Variants in CTNNA3 observed in about 807,000 individuals in gnomAD.
The protein encoded by CTNNA3 is catenin alpha 3.
Under a neutral mutation model 95.7 loss-of-function variants are expected in CTNNA3, and 76 were observed. That is an observed-to-expected ratio of 0.79 (90% CI 0.66 to 0.96). CTNNA3 has a LOEUF of 0.96. Among genes scored for constraint, CTNNA3 ranks in the 40% least tolerant of loss-of-function variants. The pLI is 0.00. For missense variants in CTNNA3, 1,191 were observed against 1,089.8 expected, an observed-to-expected ratio of 1.09 and a Z score of -1.31; for synonymous variants, 431 against 374.4, an observed-to-expected ratio of 1.15 and a Z score of -1.74.
intron 9 of CTNNA3, among the ~76,000 whole-genome samples, chr10:66,632,868 G>C (rs1845194945): frequency 6.6e-6 from 1 of 151,702 alleles, no homozygotes; most frequent in South Asian, 2.1e-4. Context: ...AAGGAAAAAA[G>C]GCCATTAAAA....
chr10:66,748,525 A>G (rs1838980425), intron 9 of CTNNA3, among the ~76,000 whole-genome samples: 1 of 152,222 alleles, frequency 6.6e-6, no homozygotes, highest in South Asian at 2.1e-4. Flanking sequence ...CTTAAATCAT[A>G]TTATTTAACT....
chr10:67,069,467 T>C (rs895106870), intron 7 of CTNNA3, among the ~76,000 whole-genome samples: 2 of 152,112 alleles, frequency 1.3e-5, no homozygotes, highest in African/African-American at 4.8e-5. Flanking sequence ...TATGTATACA[T>C]ATCATGATGG....
chr10:67,104,606 G>A (rs971978821), intron 7 of CTNNA3, among the ~76,000 whole-genome samples: 4 of 151,820 alleles, frequency 2.6e-5, no homozygotes, highest in Non-Finnish European at 4.4e-5. Context: ...AGTGTCTCAG[G>A]AGCTTTTTAT....
chr10:67,442,397 T>A (rs1846554652), intron 5 of CTNNA3, among the ~76,000 whole-genome samples: 1 of 152,052 alleles, frequency 6.6e-6, no homozygotes, highest in South Asian at 2.1e-4. Context: ...AACTCTGCAA[T>A]CAAATGTCAC....
chr10:67,493,475 T>C (rs1024545218), intron 5 of CTNNA3, among the ~76,000 whole-genome samples: 1 of 149,302 alleles, frequency 6.7e-6, no homozygotes, highest in Non-Finnish European at 1.5e-5. Flanking sequence ...GGCAGGGGAA[T>C]GGCGTGAACC....
chr10:67,066,073 A>G (rs1217556157), intron 7 of CTNNA3, among the ~76,000 whole-genome samples: 4 of 151,992 alleles, frequency 2.6e-5, no homozygotes, highest in Non-Finnish European at 5.9e-5. Context: ...TCTGTGTGAA[A>G]CTTTTAGTTC....
chr10:65,998,439 C>T (rs2078708571), intron 15 of CTNNA3, among the ~76,000 whole-genome samples: 1 of 152,106 alleles, frequency 6.6e-6, no homozygotes, highest in Admixed American at 6.6e-5. Flanking sequence ...CATTTACAAC[C>T]ACTTCTGTCC....
chr10:66,700,586 C>G lies in CTNNA3; in HGVS notation c.1281+65678G>C, dbSNP rs529193774. On this transcript the variant is annotated intron_variant, in intron 9 of 17. Coordinates refer to ENST00000433211, the MANE Select transcript of CTNNA3 (RefSeq NM_013266.4). ...ATGTCATACCTCCAACTTTATTTTT[C>G]TTTCTCAAGATTGTTTTGGCTATTC... Among the ~76,000 whole-genome samples the G allele has an allele frequency of 2.0e-5, 3 of 152,208 alleles. No homozygotes were observed. In the South Asian group the frequency reaches 6.2e-4, roughly 32 times the overall value.
intron 5 of CTNNA3, among the ~76,000 whole-genome samples, chr10:67,236,582 G>T (rs902541538): frequency 1.1e-4 from 16 of 151,498 alleles, no homozygotes; most frequent in African/African-American, 3.6e-4. Context: ...TAGTGGGTGT[G>T]GCGCGCCAAC....
At chr10:66,485,336 A>C (rs12252241) in intron 11 of CTNNA3, among the ~76,000 whole-genome samples, 9,410 of 152,142 alleles carry the variant, frequency 0.062, 603 homozygotes, top group African/African-American at 0.16. Context: ...ATATGGTAAG[A>C]CCTAAATTTT....
At chr10:66,669,540 CAA>C (rs151092812) in intron 9 of CTNNA3, among the ~76,000 whole-genome samples, 1 of 148,392 alleles carries the variant, frequency 6.7e-6, no homozygotes, top group Non-Finnish European at 1.5e-5. Context: ...AGACTTTTGT[CAA>C]AAAAAAAGAA....
At chr10:66,720,315 G>T (rs1848586039) in intron 9 of CTNNA3, among the ~76,000 whole-genome samples, 1 of 151,904 alleles carries the variant, frequency 6.6e-6, no homozygotes, top group Non-Finnish European at 1.5e-5. Context: ...ACTCTATTTG[G>T]TTGACTCCCA....
intron 7 of CTNNA3, among the ~76,000 whole-genome samples, chr10:66,955,991 A>C (rs1176181815): frequency 6.6e-6 from 1 of 152,110 alleles, no homozygotes; most frequent in Non-Finnish European, 1.5e-5. Flanking sequence ...GGGGTGCTCA[A>C]ATCTAACTTG....
chr10:66,125,829 A>G (rs2082803515), intron 13 of CTNNA3, among the ~76,000 whole-genome samples: 2 of 152,204 alleles, frequency 1.3e-5, no homozygotes, highest in Non-Finnish European at 2.9e-5. Flanking sequence ...ACAATGAGAG[A>G]CTGCCAATGA....
chr10:66,279,383 T>C (rs549877180), intron 13 of CTNNA3, among the ~76,000 whole-genome samples: 1 of 152,134 alleles, frequency 6.6e-6, no homozygotes, highest in Non-Finnish European at 1.5e-5. Context: ...ACTTAAAAAT[T>C]ATATTCACCA....
chr10:66,059,691 A>G (rs1250393628), intron 15 of CTNNA3, among the ~76,000 whole-genome samples: 1 of 152,098 alleles, frequency 6.6e-6, no homozygotes, highest in East Asian at 1.9e-4. Flanking sequence ...AAGGACAAGG[A>G]CAGTACCTAA....
At chr10:67,627,427 T>A (rs1053013351) in intron 2 of CTNNA3, among the ~76,000 whole-genome samples, 1 of 152,172 alleles carries the variant, frequency 6.6e-6, no homozygotes, top group East Asian at 1.9e-4. Flanking sequence ...AAGATAAAAT[T>A]AGCTGATGCT....
intron 5 of CTNNA3, among the ~76,000 whole-genome samples, chr10:67,447,790 G>T (rs1846812798): frequency 6.6e-6 from 1 of 152,080 alleles, no homozygotes; most frequent in African/African-American, 2.4e-5. Context: ...TCTCTGACCA[G>T]GATAAAGTCT....
chr10:67,516,879 T>C (rs1415816282), intron 5 of CTNNA3, among the ~76,000 whole-genome samples: 2 of 152,232 alleles, frequency 1.3e-5, no homozygotes, highest in Non-Finnish European at 2.9e-5. Context: ...TCTGGATTAC[T>C]TTGCTTAGCA....
Sources: gnomAD v4.1 joint callset for allele counts (sites outside exome capture counted in the v4.1 genomes callset) on GRCh38, gnomAD v4.1.1 for gene constraint, MANE v1.5 for transcripts, NCBI Gene and HGNC (gene_info 2026-07-23, HGNC 2026-07-21) for gene names.